Variants in SPTA1 observed in about 807,000 individuals in gnomAD.
SPTA1 encodes the protein spectrin alpha, erythrocytic 1.
In SPTA1, 177 loss-of-function variants were observed where a neutral mutation model predicts 324.7. That is an observed-to-expected ratio of 0.55 (90% CI 0.48 to 0.62). SPTA1 has a LOEUF of 0.62. Among genes scored for constraint, SPTA1 ranks in the 20% least tolerant of loss-of-function variants. The pLI, the probability that SPTA1 is intolerant of heterozygous loss-of-function variation, is 0.00. For missense variants in SPTA1, 3,162 were observed against 2,883.6 expected (o/e 1.10, Z -2.21); for synonymous variants, 1,195 against 1,041.3 (o/e 1.15, Z -2.84).
intron 43 of SPTA1, among the ~76,000 whole-genome samples, chr1:158,621,848 A>G (rs558399815): frequency 6.6e-6 from 1 of 152,066 alleles, no homozygotes; most frequent in Non-Finnish European, 1.5e-5. Context: ...CAGTAATTCC[A>G]CTGACCATTC....
At chr1:158,662,151 C>T (rs1287757909) in intron 17 of SPTA1, among the ~76,000 whole-genome samples, 1 of 152,214 alleles carries the variant, frequency 6.6e-6, no homozygotes, top group Non-Finnish European at 1.5e-5. Flanking sequence ...CTTTCATTGT[C>T]CTCATTGTCC....
intron 48 of SPTA1, chr1:158,614,535 C>A: frequency 1.2e-5 from 5 of 431,564 alleles, no homozygotes; most frequent in South Asian, 4.5e-5. Flanking sequence ...TGAAGACAAT[C>A]AAAAGAAAAT....
At position 158,652,999 on chromosome 1, in the gene SPTA1, G is replaced by A. The variant is rs139393794; in HGVS notation, c.3188+275C>T. On this transcript the variant is annotated intron_variant, in intron 22 of 51. Coordinates refer to ENST00000643759, the MANE Select transcript of SPTA1 (RefSeq NM_003126.4). ...TAAACAAAGTTCATATAGATGTCAG[G>A]AGACTTTAATAACCTTGAAAGAATG... 5.8e-4 allele frequency among the ~76,000 whole-genome samples: 89 copies of A among 152,268 alleles called. No homozygotes were observed. The Middle Eastern group carries it at 0.014, about 23-fold the overall frequency.
rs995575338 is a variant in SPTA1 at position 158,620,565 on chromosome 1, G to A, written c.6121-99C>T. The A allele has an allele frequency of 3.4e-6, 5 of 1,452,366 alleles. No homozygotes were observed. The South Asian group carries it at 6.2e-5, about 18-fold the overall frequency. 90.0% of individuals were successfully genotyped at this position (1,452,366 alleles called of 1,614,324 possible). A position where few individuals can be genotyped will look rare whatever the true frequency, so the allele number is the denominator to read the frequency against. ...AAATAATGCCTGTCTTTAAATATCT[G>A]CAGGGCCACCAATCTAAAAGGGCAG... On this transcript the variant is annotated intron_variant, in intron 43 of 51. Coordinates refer to ENST00000643759, the MANE Select transcript of SPTA1 (RefSeq NM_003126.4).
At chr1:158,649,749 C>T in intron 25 of SPTA1, 107 bp downstream of exon 25, 2 of 909,406 alleles carry the variant, frequency 2.2e-6, no homozygotes, top group Non-Finnish European at 3.6e-6. Flanking sequence ...CACATTGTCT[C>T]CATCTCACGA....
rs781503970 is a variant in SPTA1 at position 158,642,947 on chromosome 1, T to C, written c.4472A>G (p.Asp1491Gly). The C allele has an allele frequency of 6.2e-7, 1 of 1,613,724 alleles. No individual in the cohort carries two copies. Among genetic ancestry groups the C allele is most frequent in the Non-Finnish European group, 8.5e-7 (1 of 1,179,754 alleles). The change falls in exon 32 of 52, where the codon GAT (aspartate) becomes GGT (glycine). Residue 1491 changes from aspartate (D) to glycine (G), a missense_variant. Physicochemically the swap from Asp to Gly is moderately conservative, Grantham distance 94 (BLOSUM62 -1). Coordinates refer to ENST00000643759, the MANE Select transcript of SPTA1 (RefSeq NM_003126.4). The part of the protein sequence containing the change: ...RWKALKAQLI[D>G]ERTKLGDYAN... ...ATAGTCTCCAAGCTTTGTCCGCTCA[T>C]CAATCAGTTGTGCTTTGAGAGCCTT... is the stretch of plus-strand genomic sequence containing the variant.
rs1649206712 is a variant in SPTA1 at position 158,610,853 on chromosome 1, T to TAA, written c.*410_*411insTT. On this transcript the variant is annotated 3_prime_UTR_variant, in exon 52 of 52. Transcript: ENST00000643759. ...GTAAAATTAGCTGCCCACTCTTATA[T>TAA]GAGTACAGTTCCCAGAAATATAGAA... 5.8e-6 allele frequency: 1 copy of TAA among 173,202 alleles called. No homozygotes were observed. Among genetic ancestry groups the TAA allele is most frequent in the Admixed American group, 5.7e-5 (1 of 17,468 alleles). The allele number at this position is 173,202 out of a possible 1,614,324, so 10.7% of individuals were successfully genotyped here.
In SPTA1 at chr1:158,639,758, T is replaced by A. The variant is rs1038122443; in HGVS notation, c.4876-72A>T. The A allele has an allele frequency of 6.2e-6, 10 of 1,610,612 alleles. No individual in the cohort carries two copies. The South Asian group carries it at 1.1e-4, about 18-fold the overall frequency. On this transcript the variant is annotated intron_variant, in intron 34 of 51. Transcript: ENST00000643759. The stretch of plus-strand genomic sequence containing the variant: ...TTAAGGAGAATAAGATCAGCAGCTA[T>A]GTCCCCAAACTTTTCCCAGGAAAAT...
Position 158,613,368 on chromosome 1 carries a change from C to T in SPTA1, c.6989+353G>A, listed in dbSNP as rs555706137. ...CTAACACACTCCCATAAGCACATAACCACCCCAACCCCATGTGTTGGTCTC... is the reference window on the plus strand; with the variant it reads ...CTAACACACTCCCATAAGCACATAATCACCCCAACCCCATGTGTTGGTCTC... On this transcript the variant is annotated intron_variant, in intron 50 of 51. Transcript: ENST00000643759. Among the ~76,000 whole-genome samples, 111 of 152,210 alleles carry T rather than the reference C, an allele frequency of 7.3e-4. 1 individual carries two copies. Among genetic ancestry groups the T allele is most frequent in the Middle Eastern group, 3.4e-3 (1 of 294 alleles).
intron 47 of SPTA1, 113 bp from the exon 48 acceptor site, chr1:158,615,516 T>A: frequency 9.2e-7 from 1 of 1,088,426 alleles, no homozygotes; most frequent in Non-Finnish European, 1.4e-6. Flanking sequence ...CTTCTTGTTC[T>A]CTGTGAAAAG....
At position 158,627,725 on chromosome 1, in the gene SPTA1, T is replaced by C; in HGVS notation, c.5566-2A>G. ...AGCTTCATGCTTCATTAGCAAGCTC[T>C]GCATAAATAAGTCGGTGAGAATTAA... On this transcript the variant is annotated splice_acceptor_variant, in intron 39 of 51. Coordinates refer to ENST00000643759, the MANE Select transcript of SPTA1 (RefSeq NM_003126.4). LOFTEE classifies it high-confidence loss of function. The C allele has an allele frequency of 6.2e-7, 1 of 1,611,456 alleles. No homozygotes were observed. The highest frequency in any genetic ancestry group is 8.5e-7 in the Non-Finnish European group (1 of 1,179,440).
chr1:158,652,563 G>C lies in SPTA1; in HGVS notation c.3279C>G (p.Asp1093Glu). 6.2e-7 allele frequency: 1 copy of C among 1,614,050 alleles called. No individual in the cohort carries two copies. Among genetic ancestry groups the C allele is most frequent in the Non-Finnish European group, 8.5e-7 (1 of 1,180,032 alleles). ...NEFLLAYEAG[D>E]MLEWIQEKKA... ...TTTTCTCTTGAATCCATTCCAGCAT[G>C]TCTCCTGCCTCATAGGCCAATAAAA... Residue 1093 changes from aspartate (D) to glutamate (E), a missense_variant, in exon 23 of 52, where the codon GAC becomes GAG. By Grantham distance (45) the Asp-to-Glu change is conservative. Transcript: ENST00000643759.
chr1:158,651,370 C>A lies in SPTA1; in HGVS notation c.3474G>T (p.Arg1158=). ...GLLTPEGAQI[R]QELNSRWGSL... is the part of the protein sequence containing the mutation. ...GAATGGAGGGAGCCTTAGTTACCTGCCGGATTTGAGCTCCTTCTGGTGTTA... is the reference window on the plus strand; with the variant it reads ...GAATGGAGGGAGCCTTAGTTACCTGACGGATTTGAGCTCCTTCTGGTGTTA... Residue 1158 remains arginine (R), a synonymous_variant, in exon 24 of 52, where the codon CGG becomes CGT. Transcript: ENST00000643759. The A allele has an allele frequency of 6.2e-7, 1 of 1,611,788 alleles. No individual in the cohort carries two copies. The highest frequency in any genetic ancestry group is 8.5e-7 in the Non-Finnish European group (1 of 1,177,966).
chr1:158,643,113 GT>G (rs1350460323), intron 31 of SPTA1, 137 bp from the exon 32 acceptor site: 14 of 1,338,492 alleles, frequency 1.0e-5, no homozygotes, highest in Non-Finnish European at 1.4e-5. Context: ...ATAAAATGCA[GT>G]GCTAAAGCCA....
intron 36 of SPTA1, 56 bp downstream of exon 36, chr1:158,637,977 G>T (rs1571415918): frequency 6.4e-7 from 1 of 1,564,576 alleles, no homozygotes; most frequent in Non-Finnish European, 8.8e-7. Flanking sequence ...GAACAAGTTT[G>T]GTGGATTATC....
chr1:158,652,643 G>A lies in SPTA1; in HGVS notation c.3199C>T (p.Leu1067Phe). The stretch of plus-strand genomic sequence containing the variant: ...CTGCGTTCTTCTGCCCGATCCAAGA[G>A]GGAGCGGTATCTGGATGGAGAATTG... ...QEQIENQYRS[L>F]LDRAEERRRR... Residue 1067 changes from leucine (L) to phenylalanine (F), a missense_variant, in exon 23 of 52, where the codon CTC becomes TTC. Leu to Phe is a conservative substitution (Grantham distance 22, BLOSUM62 0). Transcript: ENST00000643759. The A allele has an allele frequency of 1.2e-6, 2 of 1,614,094 alleles. No individual in the cohort carries two copies.
intron 42 of SPTA1, among the ~76,000 whole-genome samples, 173 bp downstream of exon 42, chr1:158,625,973 G>A (rs548061668): frequency 1.3e-5 from 2 of 151,994 alleles, no homozygotes; most frequent in Middle Eastern, 3.4e-3. Context: ...CCAGTAGCAA[G>A]ATTCATGAGA....
intron 36 of SPTA1, among the ~76,000 whole-genome samples, chr1:158,637,021 T>C (rs771782935): frequency 5.9e-5 from 9 of 152,196 alleles, no homozygotes; most frequent in Non-Finnish European, 1.3e-4. Context: ...TTAGTCCCTT[T>C]GCTTCTCCAC....
At chr1:158,622,737 A>C (rs1649996209) in intron 43 of SPTA1, 1 of 465,134 alleles carries the variant, frequency 2.1e-6, no homozygotes. Context: ...TGTTCCATCC[A>C]CCTCTTCCAC....
Sources: gnomAD v4.1 joint callset for allele counts (sites outside exome capture counted in the v4.1 genomes callset) on GRCh38, gnomAD v4.1.1 for gene constraint, MANE v1.5 for transcripts, NCBI Gene and HGNC (gene_info 2026-07-23, HGNC 2026-07-21) for gene names.